Variants in RYR2 observed in about 807,000 individuals in gnomAD.
RYR2 encodes ryanodine receptor 2.
RYR2 carries 227 observed loss-of-function variants against 601.1 expected under a neutral mutation model. The ratio of observed to expected loss-of-function variants is 0.38; its 90% CI spans 0.34 to 0.42. The LOEUF is 0.42. Among genes scored for constraint, RYR2 ranks in the 10% least tolerant of loss-of-function variants. The pLI is 1.00. For missense variants in RYR2, 4,646 were observed against 6,156.5 expected, an observed-to-expected ratio of 0.75 and a Z score of 8.21; for synonymous variants, 2,223 against 2,175.1, an observed-to-expected ratio of 1.02 and a Z score of -0.61.
At chr1:237,344,071 C>A (rs538803643) in intron 3 of RYR2, among the ~76,000 whole-genome samples, 1 of 152,306 alleles carries the variant, frequency 6.6e-6, no homozygotes, top group South Asian at 2.1e-4. Flanking sequence ...AATCCGCCGG[C>A]CTTGGCCTCC....
At position 237,707,162 on chromosome 1, in the gene RYR2, G is replaced by A; in HGVS notation, c.9794G>A (p.Cys3265Tyr). ...ENNPERAEMC[C>Y]TALNSEHMNT... ...AATCCAGAACGGGCCGAGATGTGCT[G>A]CACAGCCCTGAACTCAGAGCACATG... The change falls in exon 68 of 105, where the codon TGC becomes TAC. Residue 3265 changes from cysteine (C) to tyrosine (Y), a missense_variant. Cys to Tyr is a radical substitution (Grantham distance 194). Coordinates refer to ENST00000366574, the MANE Select transcript of RYR2 (RefSeq NM_001035.3). 1 of 1,613,452 alleles carries A rather than the reference G, an allele frequency of 6.2e-7. No homozygotes were observed.
intron 27 of RYR2, among the ~76,000 whole-genome samples, chr1:237,552,303 A>G (rs1572845173): frequency 1.3e-5 from 2 of 152,180 alleles, no homozygotes; most frequent in African/African-American, 4.8e-5. Flanking sequence ...TCTCTGATAT[A>G]GAATAAACCC....
chr1:237,587,562 G>A (rs1383195062), intron 29 of RYR2, among the ~76,000 whole-genome samples: 1 of 151,808 alleles, frequency 6.6e-6, no homozygotes, highest in Non-Finnish European at 1.5e-5. Flanking sequence ...ATAATTACTT[G>A]GAGTATTTTC....
intron 1 of RYR2, among the ~76,000 whole-genome samples, chr1:237,189,711 A>C (rs932471452): frequency 6.6e-6 from 1 of 152,218 alleles, no homozygotes; most frequent in African/African-American, 2.4e-5. Context: ...TGGCACAGTG[A>C]GGTCTCTAAT....
At chr1:237,147,814 C>T (rs1674186704) in intron 1 of RYR2, among the ~76,000 whole-genome samples, 1 of 152,220 alleles carries the variant, frequency 6.6e-6, no homozygotes, top group Non-Finnish European at 1.5e-5. Flanking sequence ...TAAACTGGAT[C>T]TAGCAAAGTC....
chr1:237,696,312 A>C (rs1360338774), intron 63 of RYR2, among the ~76,000 whole-genome samples: 1 of 152,164 alleles, frequency 6.6e-6, no homozygotes, highest in Admixed American at 6.5e-5. Context: ...GGACTCATAT[A>C]CGTTGCACTG....
chr1:237,832,720 T>G lies in RYR2; in HGVS notation c.*73T>G. On this transcript the variant is annotated 3_prime_UTR_variant, in exon 105 of 105. Transcript: ENST00000366574. Reference sequence around the variant, plus strand: ...CCCTCTCTCAATTTCTCTGCTCTCTTGGAAACATTTTGCTGATTTTGTGAA... The same window carrying G: ...CCCTCTCTCAATTTCTCTGCTCTCTGGGAAACATTTTGCTGATTTTGTGAA... The G allele has an allele frequency of 1.2e-6, 1 of 848,228 alleles. No individual in the cohort carries two copies. 52.5% of individuals were successfully genotyped at this position (848,228 alleles called of 1,614,324 possible). A position where few individuals can be genotyped will look rare whatever the true frequency, so the allele number is the denominator to read the frequency against.
chr1:237,494,728 C>T (rs910843538), intron 19 of RYR2, among the ~76,000 whole-genome samples: 15 of 152,168 alleles, frequency 9.9e-5, no homozygotes, highest in African/African-American at 3.6e-4. Context: ...AGCAGCTAGC[C>T]TGGAGAAACT....
chr1:237,822,895 C>G (rs1250450729), intron 101 of RYR2, among the ~76,000 whole-genome samples: 1 of 152,130 alleles, frequency 6.6e-6, no homozygotes, highest in Admixed American at 6.5e-5. Flanking sequence ...ATTCTAGTCT[C>G]TGATAGAACA....
chr1:237,606,499 T>C (rs1677140173), intron 35 of RYR2, among the ~76,000 whole-genome samples: 2 of 152,178 alleles, frequency 1.3e-5, no homozygotes, highest in East Asian at 1.9e-4. Flanking sequence ...ATTCAGGACA[T>C]AGGCGTGGGC....
intron 1 of RYR2, among the ~76,000 whole-genome samples, chr1:237,059,446 A>T (rs1291093822): frequency 1.3e-5 from 2 of 152,104 alleles, no homozygotes. Flanking sequence ...ACTCTGCATA[A>T]CTTAGCAGTA....
At chr1:237,385,267 A>G (rs561766514) in intron 8 of RYR2, among the ~76,000 whole-genome samples, 1 of 152,326 alleles carries the variant, frequency 6.6e-6, no homozygotes, top group East Asian at 1.9e-4. Flanking sequence ...AAATATGTAT[A>G]TATTTTACAT....
chr1:237,144,722 G>A (rs1245190562), intron 1 of RYR2, among the ~76,000 whole-genome samples: 1 of 152,116 alleles, frequency 6.6e-6, no homozygotes, highest in Admixed American at 6.5e-5. Flanking sequence ...AGGTCTAGCT[G>A]CCCTGGAGAC....
chr1:237,206,113 A>C (rs940809112), intron 1 of RYR2, among the ~76,000 whole-genome samples: 1 of 152,286 alleles, frequency 6.6e-6, no homozygotes, highest in East Asian at 1.9e-4. Context: ...CTGGGAGGCC[A>C]AGTTCCAGCC....
At chr1:237,452,883 G>A (rs968499626) in intron 14 of RYR2, among the ~76,000 whole-genome samples, 4 of 151,714 alleles carry the variant, frequency 2.6e-5, no homozygotes, top group Non-Finnish European at 4.4e-5. Context: ...TAGAAGTTTG[G>A]ACAACATTTC....
intron 29 of RYR2, among the ~76,000 whole-genome samples, chr1:237,577,648 A>C (rs1463530339): frequency 6.6e-6 from 1 of 151,996 alleles, no homozygotes; most frequent in Non-Finnish European, 1.5e-5. Context: ...GGTTCACTGC[A>C]GGGCCTCCAG....
At chr1:237,377,550 C>A (rs747463432) in intron 8 of RYR2, 115 bp downstream of exon 8, 26 of 708,474 alleles carry the variant, frequency 3.7e-5, no homozygotes, top group Non-Finnish European at 6.1e-5. Context: ...TATAACCATT[C>A]CTCTATCTCT....
chr1:237,608,071 TTCA>T (rs1310512221), intron 35 of RYR2, among the ~76,000 whole-genome samples: 3 of 152,208 alleles, frequency 2.0e-5, no homozygotes, highest in East Asian at 3.8e-4. Flanking sequence ...GATTAAAATT[TTCA>T]TCATCAAGAA....
rs377469184 is a variant in RYR2, at chr1:237,753,869, T to C, written c.11146-2419T>C. On this transcript the variant is annotated intron_variant, in intron 80 of 104. Transcript: ENST00000366574. The stretch of plus-strand genomic sequence containing the variant: ...AGCTAATCTGCAGTTTAAAAAATTG[T>C]TTTTACATAATTCATCTTAGTATCT... Among the ~76,000 whole-genome samples, 28 of 152,174 alleles carry C rather than the reference T, an allele frequency of 1.8e-4. No individual in the cohort carries two copies. In the East Asian group the frequency reaches 5.4e-3, roughly 29 times the overall value.
Sources: allele counts gnomAD v4.1 joint callset (sites outside exome capture counted in the v4.1 genomes callset), GRCh38; gene constraint gnomAD v4.1.1; transcripts MANE v1.5; gene names NCBI Gene and HGNC (gene_info 2026-07-23, HGNC 2026-07-21).